Variants in STARD13 observed in about 807,000 individuals in gnomAD.
STARD13 encodes the protein stAR-related lipid transfer protein 13.
Under a neutral mutation model 106.4 loss-of-function variants are expected in STARD13, and 62 were observed. The ratio of observed to expected loss-of-function variants is 0.58; its 90% CI spans 0.48 to 0.72. The LOEUF (loss-of-function observed/expected upper bound fraction) is 0.72. Ranked by LOEUF, STARD13 falls within the 30% of genes least tolerant of loss-of-function variation. The pLI is 0.00. For missense variants in STARD13, 1,387 were observed against 1,424.0 expected, an observed-to-expected ratio of 0.97 and a Z score of 0.42; for synonymous variants, 565 against 553.0, an observed-to-expected ratio of 1.02 and a Z score of -0.31.
intron 1 of STARD13, among the ~76,000 whole-genome samples, chr13:33,197,416 T>TTGTGTGTGTGTGTGTG (rs142681141): frequency 2.0e-5 from 3 of 148,026 alleles, no homozygotes; most frequent in African/African-American, 7.5e-5. Context: ...AGGAAGAGAG[T>TTGTGTGTGTGTGTGTG]TGTGTGTGTG....
chr13:33,664,577 A>T, the STARD13 span, among the ~76,000 whole-genome samples: 1 of 152,186 alleles, frequency 6.6e-6, no homozygotes, highest in African/African-American at 2.4e-5. Flanking sequence ...TGAAATTGAC[A>T]CAAGTCAGTT....
At chr13:33,316,473 T>C (rs9537145) in intron 1 of STARD13, among the ~76,000 whole-genome samples, 137,710 of 152,226 alleles carry the variant, frequency 0.9, 63,883 homozygotes, top group East Asian at 1. Context: ...TGCCAGAAGC[T>C]GTCCCAGGAT....
chr13:33,382,068 A>G, the STARD13 span, among the ~76,000 whole-genome samples: 1 of 152,236 alleles, frequency 6.6e-6, no homozygotes, highest in African/African-American at 2.4e-5. Flanking sequence ...CGCATAGACC[A>G]GGAGACCAGG....
upstream of STARD13, among the ~76,000 whole-genome samples, chr13:33,289,220 A>G (rs1892193407): frequency 6.6e-6 from 1 of 152,198 alleles, no homozygotes; most frequent in East Asian, 1.9e-4. Flanking sequence ...TTCAGTTTTC[A>G]CCTACTTTTC....
chr13:33,131,006 TG>T, intron 4 of STARD13, among the ~76,000 whole-genome samples: 1 of 152,340 alleles, frequency 6.6e-6, no homozygotes, highest in South Asian at 2.1e-4. Flanking sequence ...GTGGCTGCAG[TG>T]GGTCCCCGCG....
At chr13:33,559,836 G>A in the STARD13 span, among the ~76,000 whole-genome samples, 13 of 151,440 alleles carry the variant, frequency 8.6e-5, no homozygotes, top group East Asian at 9.7e-4. Context: ...CAGCCTGGGC[G>A]ACAGAGTGAG....
chr13:33,260,878 G>C (rs1890607236), intron 1 of STARD13, among the ~76,000 whole-genome samples: 1 of 152,174 alleles, frequency 6.6e-6, no homozygotes, highest in African/African-American at 2.4e-5. Flanking sequence ...AATCTGATAA[G>C]TTCAAGAAGA....
At chr13:33,225,303 T>C (rs1264285005) in intron 1 of STARD13, among the ~76,000 whole-genome samples, 3 of 152,214 alleles carry the variant, frequency 2.0e-5, no homozygotes, top group African/African-American at 7.2e-5. Flanking sequence ...TGCAGGGTCT[T>C]TGAGCCAGAC....
At chr13:33,406,113 C>T in the STARD13 span, among the ~76,000 whole-genome samples, 6 of 152,282 alleles carry the variant, frequency 3.9e-5, no homozygotes, top group South Asian at 4.1e-4. Context: ...AGCAAGAGGA[C>T]GAACCCAAAT....
the STARD13 span, among the ~76,000 whole-genome samples, chr13:33,454,514 CAG>C: frequency 1.3e-5 from 2 of 152,238 alleles, no homozygotes; most frequent in South Asian, 4.2e-4. Context: ...TACTTATAGA[CAG>C]AAAAATTGAG....
the STARD13 span, among the ~76,000 whole-genome samples, chr13:33,509,643 C>A: frequency 6.6e-6 from 1 of 152,112 alleles, no homozygotes; most frequent in African/African-American, 2.4e-5. Context: ...TGGAACCAGG[C>A]TGATGGGCCA....
chr13:33,277,580 C>T (rs1891513329), intron 1 of STARD13: 1 of 152,134 alleles, frequency 6.6e-6, no homozygotes, highest in South Asian at 2.1e-4. Context: ...TGAAGAGTTT[C>T]TTGCTTCTTT....
intron 1 of STARD13, among the ~76,000 whole-genome samples, chr13:33,180,813 A>G (rs1192775574): frequency 6.6e-6 from 1 of 152,228 alleles, no homozygotes; most frequent in African/African-American, 2.4e-5. Context: ...GTTACAATTA[A>G]TGTTCCATGA....
chr13:33,492,654 T>C, the STARD13 span, among the ~76,000 whole-genome samples: 2 of 152,264 alleles, frequency 1.3e-5, no homozygotes, highest in African/African-American at 4.8e-5. Flanking sequence ...GAAGTGACTC[T>C]ATATGATCTA....
the STARD13 span, among the ~76,000 whole-genome samples, chr13:33,364,614 G>A: frequency 1.3e-5 from 2 of 152,240 alleles, no homozygotes; most frequent in Non-Finnish European, 2.9e-5. Flanking sequence ...AGGAGGCTGG[G>A]CGCGGTGGCT....
intron 1 of STARD13, among the ~76,000 whole-genome samples, chr13:33,183,412 G>T (rs978753786): frequency 2.6e-5 from 4 of 152,206 alleles, no homozygotes; most frequent in Non-Finnish European, 5.9e-5. Context: ...GCTGGTCAAA[G>T]ATCTTTGGCA....
chr13:33,324,773 A>G (rs1893679125), intron 1 of STARD13, among the ~76,000 whole-genome samples: 1 of 152,206 alleles, frequency 6.6e-6, no homozygotes, highest in South Asian at 2.1e-4. Flanking sequence ...AACCACTTTC[A>G]TCATCTATAA....
At chr13:33,377,293 C>T in the STARD13 span, among the ~76,000 whole-genome samples, 4 of 145,230 alleles carry the variant, frequency 2.8e-5, no homozygotes, top group South Asian at 2.1e-4. Flanking sequence ...ACAAGAGCCA[C>T]GTTCTGGTAA....
At chr13:33,674,475 G>A in the STARD13 span, among the ~76,000 whole-genome samples, 1 of 152,152 alleles carries the variant, frequency 6.6e-6, no homozygotes, top group African/African-American at 2.4e-5. Flanking sequence ...ATCAGGATTT[G>A]GTTCTTAGCA....
Sources: allele counts gnomAD v4.1 joint callset (sites outside exome capture counted in the v4.1 genomes callset), GRCh38; gene constraint gnomAD v4.1.1; transcripts MANE v1.5; gene names NCBI Gene and HGNC (gene_info 2026-07-23, HGNC 2026-07-21).